ACIN1: variants seen among roughly 807,000 people sequenced by gnomAD.
The protein encoded by ACIN1 is apoptotic chromatin condensation inducer in the nucleus.
Under a neutral mutation model 146.6 loss-of-function variants are expected in ACIN1, and 16 were observed. The ratio of observed to expected loss-of-function variants is 0.11; its 90% CI spans 0.07 to 0.17. The LOEUF (loss-of-function observed/expected upper bound fraction) is 0.17, where lower values mean the gene tolerates loss of function less well. ACIN1 is among the 10% of genes least tolerant of loss of function. ACIN1 has a pLI of 1.00. For missense variants in ACIN1, 1,357 were observed against 1,609.3 expected (o/e 0.84, Z 2.68); for synonymous variants, 569 against 582.7 (o/e 0.98, Z 0.34).
upstream of ACIN1, chr14:23,095,500 A>G (rs1489064714): frequency 2.4e-5 from 15 of 626,574 alleles, no homozygotes; most frequent in Non-Finnish European, 2.6e-5. Context: ...CGAGGCCGGA[A>G]GTGCGTGGGC....
chr14:23,066,181 A>C, intron 9 of ACIN1, 173 bp from the exon 10 acceptor site: 1 of 556,092 alleles, frequency 1.8e-6, no homozygotes, highest in Non-Finnish European at 3.2e-6. Context: ...GAAGCGGCAA[A>C]CGGCAAAAAC....
Position 23,059,320 on chromosome 14 carries a change from C to G in ACIN1, c.3680G>C (p.Arg1227Pro). The G allele has an allele frequency of 6.2e-7, 1 of 1,602,922 alleles. No individual in the cohort carries two copies. Among genetic ancestry groups the G allele is most frequent in the Non-Finnish European group, 8.5e-7 (1 of 1,169,802 alleles). Residue 1227 changes from arginine to proline, a missense_variant, in exon 19 of 19, where the codon CGG becomes CCG. Coordinates refer to ENST00000605057, the MANE Select transcript of ACIN1 (RefSeq NM_001386863.1). ...TCTCTCTCTCTCCCTGTCCCTCTCCCGACTGTGCTCCCGACGTTTCTCTCG... is the reference window on the plus strand; with the variant it reads ...TCTCTCTCTCTCCCTGTCCCTCTCCGGACTGTGCTCCCGACGTTTCTCTCG... ...LEREKRREHS[R>P]ERDRERERER...
intron 7 of ACIN1, 109 bp downstream of exon 7, chr14:23,078,711 T>G: frequency 8.3e-7 from 1 of 1,200,578 alleles, no homozygotes; most frequent in South Asian, 1.6e-5. Flanking sequence ...TCCACCACAT[T>G]TCTACTGAAC....
chr14:23,074,948 C>T (rs117913688), intron 8 of ACIN1, among the ~76,000 whole-genome samples: 1 of 152,072 alleles, frequency 6.6e-6, no homozygotes, highest in Middle Eastern at 3.2e-3. Context: ...GGACTAGATA[C>T]CCTCAGAAGC....
rs1306642023 is a variant in ACIN1, at chr14:23,081,828, A to T, written c.445T>A (p.Ser149Thr). Residue 149 changes from serine to threonine, a missense_variant, in exon 5 of 19, where the codon TCC (serine) becomes ACC (threonine). Physicochemically the swap from Ser to Thr is moderately conservative, Grantham distance 58. Transcript: ENST00000605057. ...TCACCTTTCTCTTCAGAAATTGAGG[A>T]GCTTTTTCCTATTGAATGAAAAAGA... ...ELSRHSPRKS[S>T]SISEEKGDSD... 6.2e-7 allele frequency: 1 copy of T among 1,609,128 alleles called. No individual in the cohort carries two copies. The highest frequency in any genetic ancestry group is 1.7e-5 in the Admixed American group (1 of 59,202).
At chr14:23,091,107 G>A (rs1270036315) in intron 2 of ACIN1, among the ~76,000 whole-genome samples, 1 of 152,010 alleles carries the variant, frequency 6.6e-6, no homozygotes, top group Non-Finnish European at 1.5e-5. Flanking sequence ...GTTTCACTAT[G>A]TTGGTCAGAC....
At chr14:23,093,234 C>G (rs2048273034) in intron 2 of ACIN1, among the ~76,000 whole-genome samples, 1 of 152,228 alleles carries the variant, frequency 6.6e-6, no homozygotes, top group Non-Finnish European at 1.5e-5. Context: ...GGAAGCCACA[C>G]CTTTCTACAC....
chr14:23,084,240 C>T (rs774716875), intron 4 of ACIN1, among the ~76,000 whole-genome samples: 1 of 152,172 alleles, frequency 6.6e-6, no homozygotes, highest in Non-Finnish European at 1.5e-5. Context: ...AGCCACCATG[C>T]CCGGCCTTCT....
Position 23,090,662 on chromosome 14 carries a change from C to G in ACIN1, c.205-29G>C, listed in dbSNP as rs778580794. 5 of 1,561,276 alleles carry G rather than the reference C, an allele frequency of 3.2e-6. No homozygotes were observed. In the African/African-American group the frequency reaches 6.8e-5, roughly 21 times the overall value. ...TGTAGAGGAAATGAAAACAGAGGGT[C>G]TAGGAAAACAAACCAGGAGAATGCA... is the stretch of plus-strand genomic sequence containing the variant. On this transcript the variant is annotated intron_variant, in intron 2 of 18. Transcript: ENST00000605057.
chr14:23,074,470 CATG>C (rs2047748554), intron 8 of ACIN1, among the ~76,000 whole-genome samples: 1 of 151,968 alleles, frequency 6.6e-6, no homozygotes, highest in South Asian at 2.1e-4. Flanking sequence ...GAGGCTGAGG[CATG>C]ATAATTGCTT....
rs1022811885 is a variant in ACIN1 at position 23,061,696 on chromosome 14, G to C, written c.3100-74C>G. On this transcript the variant is annotated intron_variant, in intron 16 of 18. Coordinates refer to ENST00000605057, the MANE Select transcript of ACIN1 (RefSeq NM_001386863.1). ...TCCCACTCAAGGAGCCAGGATGGCC[G>C]GGCGCGGTGGCTCACGCCTGTAATC... 16 of 1,376,178 alleles carry C rather than the reference G, an allele frequency of 1.2e-5. 1 individual carries two copies. Among genetic ancestry groups the C allele is most frequent in the Non-Finnish European group, 1.5e-5 (16 of 1,034,656 alleles). 85.2% of individuals were successfully genotyped at this position (1,376,178 alleles called of 1,614,324 possible).
In ACIN1 at chr14:23,077,443, C is replaced by T. The variant is rs928290099; in HGVS notation, c.2123+708G>A. Among the ~76,000 whole-genome samples the T allele has an allele frequency of 2.6e-5, 4 of 152,208 alleles. No homozygotes were observed. In the South Asian group the frequency reaches 6.2e-4, roughly 24 times the overall value. On this transcript the variant is annotated intron_variant, in intron 8 of 18. Transcript: ENST00000605057. ...GAGACTTTGAAGCCAGGAATTCTGGCTCATTGGCTTCTTAATTTATAATAC... is the reference window on the plus strand; with the variant it reads ...GAGACTTTGAAGCCAGGAATTCTGGTTCATTGGCTTCTTAATTTATAATAC...
chr14:23,073,421 T>TGTAA (rs2047716082), intron 8 of ACIN1, among the ~76,000 whole-genome samples: 1 of 152,252 alleles, frequency 6.6e-6, no homozygotes, highest in Admixed American at 6.5e-5. Flanking sequence ...GGCTCACGCC[T>TGTAA]GTAATCCCAG....
At position 23,068,605 on chromosome 14, in the gene ACIN1, G is replaced by T; in HGVS notation, c.2265+871C>A. The T allele has an allele frequency of 4.1e-6, 4 of 985,990 alleles. No homozygotes were observed. Among genetic ancestry groups the T allele is most frequent in the Non-Finnish European group, 4.8e-6 (4 of 830,004 alleles). The allele number at this position is 985,990 out of a possible 1,614,324, so 61.1% of individuals were successfully genotyped here. A position where few individuals can be genotyped will look rare whatever the true frequency, so the allele number is the denominator to read the frequency against. ...AGCAGCGGGTGGGTCCAGAGGAAGA[G>T]GCGGCATCAGCGATTGGCCAGTTGG... is the stretch of plus-strand genomic sequence containing the variant. On this transcript the variant is annotated intron_variant, in intron 9 of 18. Coordinates refer to ENST00000605057, the MANE Select transcript of ACIN1 (RefSeq NM_001386863.1). This position sits in a 1 kb window ranked among gnomAD's most constrained non-coding sequence, Gnocchi z 4.3.
rs2048205006 is a variant in ACIN1, at chr14:23,090,643, G to A, written c.205-10C>T. The A allele has an allele frequency of 6.2e-7, 1 of 1,607,432 alleles. No homozygotes were observed. The highest frequency in any genetic ancestry group is 8.5e-7 in the Non-Finnish European group (1 of 1,175,572). ...TCATTTCCTCACCAATCTGTGTAGAGGAAATGAAAACAGAGGGTCTAGGAA... is the reference window on the plus strand; with the variant it reads ...TCATTTCCTCACCAATCTGTGTAGAAGAAATGAAAACAGAGGGTCTAGGAA... On this transcript the variant is annotated splice_polypyrimidine_tract_variant and intron_variant, in intron 2 of 18. Transcript: ENST00000605057.
In ACIN1 at chr14:23,062,225, G is replaced by C. The variant is rs147049684; in HGVS notation, c.3042C>G (p.Val1014=). The C allele has an allele frequency of 6.2e-7, 1 of 1,614,064 alleles. No individual in the cohort carries two copies. The highest frequency in any genetic ancestry group is 1.1e-5 in the South Asian group (1 of 91,068). Residue 1014 remains valine (V), a synonymous_variant, in exon 16 of 19, where the codon GTC becomes GTG. Coordinates refer to ENST00000605057, the MANE Select transcript of ACIN1 (RefSeq NM_001386863.1). ...AVATRTALHG[V]KWPQSNPKFL... ...ATTTGGGATTGGACTGGGGCCATTT[G>C]ACCCCGTGCAGAGCTGTGCGGGTGG... is the stretch of plus-strand genomic sequence containing the variant.
intron 16 of ACIN1, among the ~76,000 whole-genome samples, chr14:23,061,836 TG>T (rs1345984375): frequency 2.6e-5 from 4 of 150,962 alleles, no homozygotes; most frequent in African/African-American, 9.8e-5. Context: ...TAGCCGGGCG[TG>T]GTGGCGGGCG....
At position 23,060,101 on chromosome 14, in the gene ACIN1, G is replaced by C. The variant is rs184234915; in HGVS notation, c.3526-627C>G. On this transcript the variant is annotated intron_variant, in intron 18 of 18. Transcript: ENST00000605057. ...GCCTCCCTAGTAGCTGGGATTACAG[G>C]TGTCTGCCACCATGCCCCACTAAGT... Among the ~76,000 whole-genome samples, 5 of 152,006 alleles carry C rather than the reference G, an allele frequency of 3.3e-5. No homozygotes were observed. The East Asian group carries it at 9.7e-4, about 29-fold the overall frequency.
In ACIN1 at chr14:23,064,559, C is replaced by T; in HGVS notation, c.2309-71G>A. 8 of 1,552,442 alleles carry T rather than the reference C, an allele frequency of 5.2e-6. No individual in the cohort carries two copies. The South Asian group carries it at 5.9e-5, about 11-fold the overall frequency. The stretch of plus-strand genomic sequence containing the variant: ...CTGCTAGTTCAAACCGTAATACCTA[C>T]AGGTTACCTCTGGCTGGAGTTTTGG... On this transcript the variant is annotated intron_variant, in intron 10 of 18. Transcript: ENST00000605057.
Sources: gnomAD v4.1 joint callset for allele counts (sites outside exome capture counted in the v4.1 genomes callset) on GRCh38, gnomAD v4.1.1 for gene constraint, Gnocchi (gnomAD v3.1) non-coding constraint, MANE v1.5 for transcripts, NCBI Gene and HGNC (gene_info 2026-07-23, HGNC 2026-07-21) for gene names.